Variants in NCKAP1 observed in about 807,000 individuals in gnomAD.
NCKAP1 encodes NCK associated protein 1, also known as nck-associated protein 1.
A neutral mutation model predicts 151.2 loss-of-function variants in NCKAP1; 21 were observed. That is an observed-to-expected ratio of 0.14 (90% confidence interval 0.10 to 0.20). The LOEUF is 0.20. Among genes scored for constraint, NCKAP1 ranks in the 10% least tolerant of loss-of-function variants. The probability of loss-of-function intolerance (pLI) is 1.00; values close to 1 mark genes in which losing one functional copy is unlikely to be tolerated. For synonymous variants in NCKAP1, 484 were observed against 451.8 expected, an observed-to-expected ratio of 1.07 and a Z score of -0.90; for missense variants, 933 against 1,352.1, an observed-to-expected ratio of 0.69 and a Z score of 4.86.
chr2:182,931,981 AG>A (rs1696775785), intron 26 of NCKAP1, among the ~76,000 whole-genome samples: 1 of 152,202 alleles, frequency 6.6e-6, no homozygotes, highest in Admixed American at 6.5e-5. Context: ...TACAAGTATT[AG>A]TGAAGATGCA....
At chr2:182,992,514 A>G (rs1378441741) in intron 8 of NCKAP1, among the ~76,000 whole-genome samples, 2 of 152,166 alleles carry the variant, frequency 1.3e-5, no homozygotes, top group Non-Finnish European at 2.9e-5. Flanking sequence ...AATTAACTCA[A>G]TTATTCATCT....
At chr2:182,974,764 AGTTGGTACT>A (rs1697771164) in intron 15 of NCKAP1, among the ~76,000 whole-genome samples, 2 of 152,146 alleles carry the variant, frequency 1.3e-5, no homozygotes, top group African/African-American at 4.8e-5. Context: ...TAAGCCATCT[AGTTGGTACT>A]TTGTTATGGC....
chr2:182,973,650 A>C (rs991719740), intron 15 of NCKAP1, among the ~76,000 whole-genome samples: 2 of 152,178 alleles, frequency 1.3e-5, no homozygotes, highest in Admixed American at 1.3e-4. Context: ...CTGGCTATCT[A>C]TAGAACTCTT....
At chr2:182,955,775 C>A (rs554596149) in intron 20 of NCKAP1, among the ~76,000 whole-genome samples, 1 of 152,036 alleles carries the variant, frequency 6.6e-6, no homozygotes, top group South Asian at 2.1e-4. Flanking sequence ...GTTTTTTTTC[C>A]TATTTTTTCT....
In NCKAP1 at chr2:182,930,801, A is replaced by C. The variant is rs893589308; in HGVS notation, c.2860-13T>G. 2 of 1,600,752 alleles carry C rather than the reference A, an allele frequency of 1.2e-6. No homozygotes were observed. Among genetic ancestry groups the C allele is most frequent in the African/African-American group, 2.7e-5 (2 of 74,704 alleles). On this transcript the variant is annotated splice_polypyrimidine_tract_variant and intron_variant, in intron 26 of 30. Coordinates refer to ENST00000361354, the MANE Select transcript of NCKAP1 (RefSeq NM_013436.5). ...CATTCATTGCAACCTGATAAAAACA[A>C]AAGAATTACAGAGCAATAAATAGTC... is the stretch of plus-strand genomic sequence containing the variant.
At chr2:182,986,414 T>C (rs1309894464) in intron 9 of NCKAP1, among the ~76,000 whole-genome samples, 187 bp from the exon 10 acceptor site, 1 of 147,480 alleles carries the variant, frequency 6.8e-6, no homozygotes, top group African/African-American at 2.5e-5. Context: ...CAAGCCTTCC[T>C]AAAAAAAAAA....
intron 20 of NCKAP1, among the ~76,000 whole-genome samples, chr2:182,956,086 G>C (rs911513884): frequency 6.6e-6 from 1 of 152,182 alleles, no homozygotes; most frequent in African/African-American, 2.4e-5. Flanking sequence ...CTGTCACCCA[G>C]GCTGGAGTGC....
In NCKAP1 at chr2:182,928,936, T is replaced by C. The variant is rs780887097; in HGVS notation, c.2954-37A>G. The C allele has an allele frequency of 3.8e-6, 5 of 1,323,352 alleles. No homozygotes were observed. The South Asian group carries it at 5.0e-5, about 13-fold the overall frequency. 82.0% of individuals were successfully genotyped at this position (1,323,352 alleles called of 1,614,324 possible). On this transcript the variant is annotated intron_variant, in intron 27 of 30. Coordinates refer to ENST00000361354, the MANE Select transcript of NCKAP1 (RefSeq NM_013436.5). The stretch of plus-strand genomic sequence containing the variant: ...AAATTAAGAATAAAATCAAGGTATT[T>C]CTTCAAGATTAGTTAAGATTTGATA...
intron 2 of NCKAP1, among the ~76,000 whole-genome samples, chr2:183,020,008 G>T (rs1698764954): frequency 6.6e-6 from 1 of 151,882 alleles, no homozygotes; most frequent in Non-Finnish European, 1.5e-5. Context: ...ATAACTATGT[G>T]CTCAAGGATT....
intron 18 of NCKAP1, 35 bp from the exon 19 acceptor site, chr2:182,957,631 CCAA>C: frequency 6.3e-7 from 1 of 1,599,948 alleles, no homozygotes; most frequent in Non-Finnish European, 8.5e-7. Context: ...TTACATTACA[CCAA>C]TTACTCTGAA....
rs538458870 is a variant in NCKAP1 at position 183,001,541 on chromosome 2, T to C, written c.603+412A>G. On this transcript the variant is annotated intron_variant, in intron 6 of 30. Transcript: ENST00000361354. ...ATTCATTTAATTCTCATAAGAACCA[T>C]ATGAAATAAGTGCTATTATTATTCC... Among the ~76,000 whole-genome samples the C allele has an allele frequency of 2.6e-5, 4 of 152,296 alleles. No homozygotes were observed. The South Asian group carries it at 8.3e-4, about 32-fold the overall frequency.
At chr2:182,982,505 A>C (rs1012051896) in intron 12 of NCKAP1, among the ~76,000 whole-genome samples, 1 of 152,160 alleles carries the variant, frequency 6.6e-6, no homozygotes, top group African/African-American at 2.4e-5. Flanking sequence ...CCAGGCTAGC[A>C]ATAGGCAGTA....
intron 8 of NCKAP1, among the ~76,000 whole-genome samples, chr2:182,989,649 T>C (rs1386635934): frequency 6.6e-6 from 1 of 152,124 alleles, no homozygotes; most frequent in East Asian, 1.9e-4. Context: ...GAGGCAGAGG[T>C]TGCAGTGAGT....
chr2:182,952,554 G>T, intron 22 of NCKAP1, 52 bp from the exon 23 acceptor site: 1 of 1,332,978 alleles, frequency 7.5e-7, no homozygotes, highest in Non-Finnish European at 1.0e-6. Flanking sequence ...AATACTTTAA[G>T]AAAATGAACA....
At position 182,924,265 on chromosome 2, in the gene NCKAP1, T is replaced by G. The variant is rs114516353; in HGVS notation, c.*1437A>C. 1 of 152,172 alleles carries G rather than the reference T, an allele frequency of 6.6e-6. No individual in the cohort carries two copies. The highest frequency in any genetic ancestry group is 2.4e-5 in the African/African-American group (1 of 41,438). 9.4% of individuals were successfully genotyped at this position (152,172 alleles called of 1,614,324 possible). A position where few individuals can be genotyped will look rare whatever the true frequency, so the allele number is the denominator to read the frequency against. Reference sequence around the variant, plus strand: ...TCATAGTACTTCAATTTCATTCTACTCTCTATGTTTGAAGAAAGAAAAACA... The same window carrying G: ...TCATAGTACTTCAATTTCATTCTACGCTCTATGTTTGAAGAAAGAAAAACA... On this transcript the variant is annotated 3_prime_UTR_variant, in exon 31 of 31. Transcript: ENST00000361354.
chr2:182,997,111 T>C (rs1419803420), intron 6 of NCKAP1, among the ~76,000 whole-genome samples: 2 of 152,190 alleles, frequency 1.3e-5, no homozygotes, highest in Admixed American at 6.5e-5. Context: ...TCTCATTTAA[T>C]TGTGGTTATT....
intron 2 of NCKAP1, among the ~76,000 whole-genome samples, chr2:183,003,968 C>T (rs949201373): frequency 1.3e-5 from 2 of 152,130 alleles, no homozygotes; most frequent in African/African-American, 2.4e-5. Context: ...ATTAAATTTA[C>T]AAAAGTCCCA....
Position 182,910,057 on chromosome 2 carries a change from C to A in NCKAP1, c.*15645G>T, listed in dbSNP as rs539258679. On this transcript the variant is annotated 3_prime_UTR_variant, in exon 31 of 31. Coordinates refer to ENST00000361354, the MANE Select transcript of NCKAP1 (RefSeq NM_013436.5). The stretch of plus-strand genomic sequence containing the variant: ...TATTCTAAGGAGTTCAACCGCTGAG[C>A]CCTAGAGTTAAGGAGAAACAGTGGT... 1 of 152,308 alleles carries A rather than the reference C, an allele frequency of 6.6e-6. No homozygotes were observed. The highest frequency in any genetic ancestry group is 1.9e-4 in the East Asian group (1 of 5,192). 9.4% of individuals were successfully genotyped at this position (152,308 alleles called of 1,614,324 possible).
At chr2:183,030,442 A>C (rs1021091856) in intron 1 of NCKAP1, among the ~76,000 whole-genome samples, 1 of 152,236 alleles carries the variant, frequency 6.6e-6, no homozygotes, top group African/African-American at 2.4e-5. Flanking sequence ...CAAAATAGGG[A>C]AGAACAAAAT....
Sources: gnomAD v4.1 joint callset for allele counts (sites outside exome capture counted in the v4.1 genomes callset) on GRCh38, gnomAD v4.1.1 for gene constraint, MANE v1.5 for transcripts, NCBI Gene and HGNC (gene_info 2026-07-23, HGNC 2026-07-21) for gene names.